COL19A1: variants seen among roughly 807,000 people sequenced by gnomAD.
COL19A1 encodes collagen type XIX alpha 1 chain.
A neutral mutation model predicts 190.2 loss-of-function variants in COL19A1; 159 were observed. The observed-to-expected ratio is 0.84, with a 90% CI of 0.73 to 0.95. COL19A1 has a LOEUF of 0.95. COL19A1 is among the 40% of genes least tolerant of loss of function. The probability of loss-of-function intolerance (pLI) is 0.00; values close to 1 mark genes in which losing one functional copy is unlikely to be tolerated. For missense variants in COL19A1, 1,418 were observed against 1,431.9 expected (o/e 0.99, Z 0.16); for synonymous variants, 509 against 458.9 (o/e 1.11, Z -1.39).
At position 70,164,975 on chromosome 6, in the gene COL19A1, A is replaced by G. The variant is rs528824813; in HGVS notation, c.2401-966A>G. 4.6e-5 allele frequency among the ~76,000 whole-genome samples: 7 copies of G among 152,364 alleles called. No individual in the cohort carries two copies. The East Asian group carries it at 1.2e-3, about 25-fold the overall frequency. The stretch of plus-strand genomic sequence containing the variant: ...GTTACAAAAAATGGCAGGGTATTGG[A>G]ATGAAGTCCTTGATTACATTTATGG... On this transcript the variant is annotated intron_variant, in intron 36 of 50. Transcript: ENST00000620364.
chr6:70,109,697 C>T (rs796172254), intron 16 of COL19A1, among the ~76,000 whole-genome samples: 5 of 151,982 alleles, frequency 3.3e-5, no homozygotes, highest in African/African-American at 9.6e-5. Context: ...TTTGAGTGGA[C>T]GGGGAATAGG....
chr6:69,883,823 T>C (rs1768729704), intron 2 of COL19A1, among the ~76,000 whole-genome samples: 1 of 152,160 alleles, frequency 6.6e-6, no homozygotes, highest in African/African-American at 2.4e-5. Flanking sequence ...GTATTAGCAG[T>C]ATACACAGAT....
chr6:70,203,798 A>T (rs1767693785), intron 49 of COL19A1, among the ~76,000 whole-genome samples: 1 of 152,000 alleles, frequency 6.6e-6, no homozygotes, highest in Admixed American at 6.6e-5. Context: ...TTCAATTAGG[A>T]CACTGCTGGT....
intron 11 of COL19A1, among the ~76,000 whole-genome samples, chr6:69,974,710 T>C (rs1251644649): frequency 6.6e-6 from 1 of 152,160 alleles, no homozygotes; most frequent in Non-Finnish European, 1.5e-5. Flanking sequence ...CAATCTAATT[T>C]ATCCCAGTTC....
chr6:70,195,053 C>T (rs1767105378), intron 48 of COL19A1, among the ~76,000 whole-genome samples: 1 of 149,682 alleles, frequency 6.7e-6, no homozygotes, highest in African/African-American at 2.4e-5. Flanking sequence ...TTTCTTACCT[C>T]TCTACAACTA....
At chr6:70,155,980 T>C in intron 31 of COL19A1, 147 bp from the exon 32 acceptor site, 5 of 579,778 alleles carry the variant, frequency 8.6e-6, no homozygotes, top group Non-Finnish European at 1.5e-5. Flanking sequence ...TGTTTTTAAA[T>C]TGGATACATC....
At chr6:70,168,103 C>G in intron 38 of COL19A1, 28 bp downstream of exon 38, 1 of 1,586,772 alleles carries the variant, frequency 6.3e-7, no homozygotes, top group Non-Finnish European at 8.6e-7. Flanking sequence ...TATTTAAAAT[C>G]CAGTTATAGA....
chr6:69,885,533 T>C (rs1768864051), intron 2 of COL19A1, among the ~76,000 whole-genome samples: 1 of 152,202 alleles, frequency 6.6e-6, no homozygotes, highest in African/African-American at 2.4e-5. Flanking sequence ...TACAATTTTA[T>C]TGTATTTTGT....
chr6:70,200,075 T>C (rs3806065), intron 49 of COL19A1: 71,036 of 172,152 alleles, frequency 0.41, 15,019 homozygotes, highest in South Asian at 0.5. Context: ...TTTTTTAGGC[T>C]TCCCCTTTTG....
intron 4 of COL19A1, among the ~76,000 whole-genome samples, chr6:69,926,894 A>G (rs1418672275): frequency 2.0e-5 from 3 of 152,154 alleles, no homozygotes; most frequent in African/African-American, 7.2e-5. Context: ...AAAACAGAAA[A>G]CAAGAAGTTC....
intron 34 of COL19A1, 59 bp from the exon 35 acceptor site, chr6:70,161,841 C>A (rs370969250): frequency 5.7e-6 from 8 of 1,399,952 alleles, no homozygotes; most frequent in Non-Finnish European, 6.9e-6. Flanking sequence ...ATTTGATTAA[C>A]TAAAATGCCT....
intron 4 of COL19A1, among the ~76,000 whole-genome samples, chr6:69,900,954 A>C (rs994483153): frequency 6.6e-6 from 1 of 152,208 alleles, no homozygotes; most frequent in African/African-American, 2.4e-5. Context: ...AAATAGTGAC[A>C]ATTGGTCAGC....
intron 11 of COL19A1, among the ~76,000 whole-genome samples, chr6:70,002,605 T>TTATA (rs796446376): frequency 1.3e-5 from 2 of 149,094 alleles, no homozygotes; most frequent in Non-Finnish European, 3.0e-5. Context: ...TAAAATATAT[T>TTATA]TATATATATA....
chr6:70,080,011 A>T (rs1782145152), intron 15 of COL19A1, among the ~76,000 whole-genome samples: 1 of 152,186 alleles, frequency 6.6e-6, no homozygotes. Context: ...GGGAAGGCAC[A>T]GGTATAAACA....
At chr6:70,021,465 G>T (rs1029692977) in intron 11 of COL19A1, among the ~76,000 whole-genome samples, 3 of 151,812 alleles carry the variant, frequency 2.0e-5, no homozygotes, top group Non-Finnish European at 4.4e-5. Flanking sequence ...AGTTAATATT[G>T]GTATCCATGG....
intron 4 of COL19A1, among the ~76,000 whole-genome samples, chr6:69,906,494 T>A (rs1770556172): frequency 6.6e-6 from 1 of 152,128 alleles, no homozygotes; most frequent in East Asian, 1.9e-4. Context: ...GTGTTCCATA[T>A]CTATAGCCTC....
intron 32 of COL19A1, 26 bp downstream of exon 32, chr6:70,156,257 G>A (rs534743747): frequency 2.1e-5 from 34 of 1,613,082 alleles, no homozygotes; most frequent in African/African-American, 1.3e-4. Context: ...GAATGTTTAC[G>A]ATCCCTGTGG....
intron 41 of COL19A1, among the ~76,000 whole-genome samples, chr6:70,174,300 G>T (rs540312683): frequency 1.3e-5 from 2 of 152,294 alleles, no homozygotes; most frequent in African/African-American, 4.8e-5. Context: ...AGGCACAGTG[G>T]CTCACGCCTG....
chr6:70,130,109 T>C, intron 17 of COL19A1, 73 bp from the exon 18 acceptor site: 2 of 1,527,438 alleles, frequency 1.3e-6, no homozygotes, highest in Middle Eastern at 3.5e-4. Flanking sequence ...TGACTGCTTA[T>C]ACTGTTACAG....
Sources: gnomAD v4.1 joint callset for allele counts (sites outside exome capture counted in the v4.1 genomes callset) on GRCh38, gnomAD v4.1.1 for gene constraint, MANE v1.5 for transcripts, NCBI Gene and HGNC (gene_info 2026-07-23, HGNC 2026-07-21) for gene names.